The following EPM2A variants were observed in gnomAD, a reference collection of about 807,000 sequenced individuals.
EPM2A encodes EPM2A glucan phosphatase, laforin.
Under a neutral mutation model 26.5 loss-of-function variants are expected in EPM2A, and 21 were observed. That is an observed-to-expected ratio of 0.79 (90% CI 0.56 to 1.14). EPM2A has a LOEUF of 1.14. Ranked by LOEUF, EPM2A falls within the 50% of genes most tolerant of loss-of-function variation. EPM2A has a pLI of 0.00. For synonymous variants in EPM2A, 217 were observed against 177.6 expected (o/e 1.22, Z -1.76); for missense variants, 458 against 440.8 (o/e 1.04, Z -0.35).
intron 2 of EPM2A, among the ~76,000 whole-genome samples, chr6:145,608,905 G>T (rs763166232): frequency 2.6e-5 from 4 of 152,142 alleles, no homozygotes; most frequent in Non-Finnish European, 5.9e-5. Context: ...TTATATCAAA[G>T]AGAAGAAATG....
chr6:145,550,253 G>T (rs1202778435), intron 2 of EPM2A, among the ~76,000 whole-genome samples: 2 of 151,994 alleles, frequency 1.3e-5, no homozygotes, highest in Non-Finnish European at 2.9e-5. Flanking sequence ...ATTAACCAGG[G>T]TCAGGGGATT....
At chr6:145,501,092 TGGAGAGGAGA>T (rs752920319), downstream of EPM2A, among the ~76,000 whole-genome samples, 7 of 152,098 alleles carry the variant, frequency 4.6e-5, no homozygotes, top group African/African-American at 1.2e-4. Flanking sequence ...CCAGACACTG[TGGAGAGGAGA>T]GGAGAGGAGA....
intron 1 of EPM2A, among the ~76,000 whole-genome samples, chr6:145,688,319 T>A (rs1264087537): frequency 6.6e-6 from 1 of 152,144 alleles, no homozygotes; most frequent in Admixed American, 6.5e-5. Flanking sequence ...TTTGAAAGGA[T>A]TATGCAGATT....
Position 145,606,850 on chromosome 6 carries a change from A to C in EPM2A, c.340+28395T>G, listed in dbSNP as rs534715715. On this transcript the variant is annotated intron_variant, in intron 2 of 3. Transcript: ENST00000450221. ...TCTCTGAGCAGACAAAGCCACTTAG[A>C]CCTCATAAGTAACCTTAGTCTTGCT... 5.9e-5 allele frequency among the ~76,000 whole-genome samples: 9 copies of C among 152,296 alleles called. No homozygotes were observed. In the South Asian group the frequency reaches 1.9e-3, roughly 32 times the overall value.
At chr6:145,460,556 G>A (rs372155557) in intron 4 of EPM2A, among the ~76,000 whole-genome samples, 3 of 152,094 alleles carry the variant, frequency 2.0e-5, no homozygotes, top group African/African-American at 7.2e-5. Context: ...CAAAGTTTGG[G>A]AATTAAGGGA....
At position 145,627,363 on chromosome 6, in the gene EPM2A, A is replaced by G; in HGVS notation, c.*53T>C. ...CTTGTTTCTAGGTCATTTGACCAAC[A>G]TCATCCCAGGCTCCTTAGGGAAATC... On this transcript the variant is annotated 3_prime_UTR_variant, in exon 4 of 4. Coordinates refer to ENST00000367519, the MANE Select transcript of EPM2A (RefSeq NM_005670.4). 1.2e-6 allele frequency: 2 copies of G among 1,611,154 alleles called. No homozygotes were observed. Among genetic ancestry groups the G allele is most frequent in the Non-Finnish European group, 1.7e-6 (2 of 1,180,014 alleles).
intron 2 of EPM2A, among the ~76,000 whole-genome samples, chr6:145,644,840 C>T (rs1777343798): frequency 6.6e-6 from 1 of 151,852 alleles, no homozygotes. Context: ...AGGCCTCTGT[C>T]CTCCTTAAAT....
At chr6:145,489,913 A>T in intron 4 of EPM2A, 1 of 1,355,506 alleles carries the variant, frequency 7.4e-7, no homozygotes, top group African/African-American at 1.4e-5. Context: ...TTCAGTCTGA[A>T]TTCGACCCAC....
At chr6:145,641,664 A>T (rs934467545) in intron 2 of EPM2A, among the ~76,000 whole-genome samples, 6 of 152,126 alleles carry the variant, frequency 3.9e-5, no homozygotes, top group Admixed American at 6.6e-5. Context: ...ATTCATCCTG[A>T]TGTTTGGAAT....
intron 2 of EPM2A, among the ~76,000 whole-genome samples, chr6:145,587,114 T>C (rs746761858): frequency 6.6e-6 from 1 of 152,210 alleles, no homozygotes; most frequent in South Asian, 2.1e-4. Flanking sequence ...AGTTCACTCA[T>C]TATATGTCAC....
chr6:145,662,739 A>G (rs1778819629), intron 2 of EPM2A, among the ~76,000 whole-genome samples: 2 of 152,178 alleles, frequency 1.3e-5, no homozygotes, highest in African/African-American at 4.8e-5. Flanking sequence ...ATATCAGTTG[A>G]GGATAATGGA....
chr6:145,635,707 GA>G (rs1776613706), intron 2 of EPM2A: 9 of 533,716 alleles, frequency 1.7e-5, no homozygotes, highest in Non-Finnish European at 2.7e-5. Flanking sequence ...AGAACGCCAG[GA>G]AATGGACATT....
At chr6:145,574,296 T>C (rs1255368218) in intron 2 of EPM2A, among the ~76,000 whole-genome samples, 1 of 152,144 alleles carries the variant, frequency 6.6e-6, no homozygotes, top group Non-Finnish European at 1.5e-5. Context: ...CATGATTAAT[T>C]AGCCAATGCC....
intron 2 of EPM2A, among the ~76,000 whole-genome samples, chr6:145,612,357 T>A (rs565595794): frequency 2.4e-4 from 37 of 152,264 alleles, no homozygotes; most frequent in Non-Finnish European, 4.1e-4. Context: ...AAGAGTAAAG[T>A]TTGTTCAAAA....
At chr6:145,463,487 T>G (rs1779351143) in intron 4 of EPM2A, 1 of 152,170 alleles carries the variant, frequency 6.6e-6, no homozygotes, top group African/African-American at 2.4e-5. Flanking sequence ...CATACATACA[T>G]ATAATTTTGT....
At chr6:145,435,417 A>T (rs992255479) in intron 4 of EPM2A, among the ~76,000 whole-genome samples, 1 of 149,092 alleles carries the variant, frequency 6.7e-6, no homozygotes, top group African/African-American at 2.4e-5. Context: ...ATTTATATAT[A>T]TATATATATA....
chr6:145,688,002 G>A (rs931674068), intron 1 of EPM2A, among the ~76,000 whole-genome samples: 7 of 151,952 alleles, frequency 4.6e-5, no homozygotes, highest in East Asian at 1.9e-4. Context: ...AGATACATGC[G>A]TACAGTAATA....
downstream of EPM2A, among the ~76,000 whole-genome samples, chr6:145,498,715 T>G (rs1253534877): frequency 6.6e-6 from 1 of 152,176 alleles, no homozygotes; most frequent in Non-Finnish European, 1.5e-5. Flanking sequence ...TCAGCCCCAG[T>G]GCAAGTACCT....
At chr6:145,507,195 A>G (rs1025915475) in intron 2 of EPM2A, among the ~76,000 whole-genome samples, 18 of 152,234 alleles carry the variant, frequency 1.2e-4, no homozygotes, top group Non-Finnish European at 1.6e-4. Flanking sequence ...AATTTTTTTA[A>G]AAGAAAGAAA....
Sources: allele counts gnomAD v4.1 joint callset (sites outside exome capture counted in the v4.1 genomes callset), GRCh38; gene constraint gnomAD v4.1.1; transcripts MANE v1.5; gene names NCBI Gene and HGNC (gene_info 2026-07-23, HGNC 2026-07-21).